The following POLA1 variants were observed in gnomAD, a reference collection of about 807,000 sequenced individuals.
The protein encoded by POLA1 is DNA polymerase alpha catalytic subunit.
A neutral mutation model predicts 124.0 loss-of-function variants in POLA1; 15 were observed. The observed-to-expected ratio is 0.12, with a 90% CI of 0.08 to 0.19. POLA1 has a LOEUF of 0.19. POLA1 is among the 10% of genes least tolerant of loss of function. POLA1 has a pLI of 1.00. For missense variants in POLA1, 886 were observed against 1,103.4 expected, an observed-to-expected ratio of 0.80 and a Z score of 2.79; for synonymous variants, 408 against 389.4, an observed-to-expected ratio of 1.05 and a Z score of -0.56.
Position 24,699,469 on chromosome X carries a change from GA to G in POLA1, c.96del (p.Lys32AsnfsTer10), listed in dbSNP as rs146733808. 1.7e-6 allele frequency: 2 copies of G among 1,181,259 alleles called. No homozygotes were observed. The highest frequency in any genetic ancestry group is 1.9e-5 in the South Asian group (1 of 51,912). ...GSFVSSRARR[E>X]KKSKKGRQEA... ...TTTTGTATCTTCTCGAGCCCGGCGA[GA>G]AAAAAAATCAAAGAAGGGGCGCCAA... On this transcript the variant is annotated frameshift_variant, in exon 2 of 37. Coordinates refer to ENST00000379068, the MANE Select transcript of POLA1 (RefSeq NM_001330360.2). LOFTEE classifies it high-confidence loss of function.
intron 10 of POLA1, among the ~76,000 whole-genome samples, chrX:24,722,908 G>A (rs1013173022): frequency 6.2e-5 from 7 of 112,083 alleles, no homozygotes; most frequent in Non-Finnish European, 1.1e-4. Flanking sequence ...GTTTATGCAA[G>A]TTAGAGAATC....
chrX:24,781,523 C>A (rs1482882434), intron 26 of POLA1, among the ~76,000 whole-genome samples: 3 of 111,711 alleles, frequency 2.7e-5, no homozygotes, highest in African/African-American at 3.3e-5. Context: ...TATGGAATAA[C>A]CCCACTGGAT....
chrX:24,882,684 GGTGTGTGTGTGTGTGTGTGTGTGTGTGT>G (rs57530564), intron 34 of POLA1, among the ~76,000 whole-genome samples: 3 of 87,613 alleles, frequency 3.4e-5, no homozygotes, highest in Non-Finnish European at 6.7e-5. Context: ...TATATTCCAT[GGTGTGTGTGTGTGTGTGTGTGTGTGTGT>G]GTGTGTGTGT....
intron 34 of POLA1, among the ~76,000 whole-genome samples, chrX:24,881,679 G>A (rs1333577258): frequency 1.8e-5 from 2 of 111,838 alleles, no homozygotes; most frequent in Admixed American, 1.9e-4. Flanking sequence ...GGTAAAATAA[G>A]ATGGTTAAGA....
At chrX:24,886,025 C>T (rs189191235) in intron 34 of POLA1, among the ~76,000 whole-genome samples, 332 of 112,210 alleles carry the variant, frequency 3.0e-3, no homozygotes, top group African/African-American at 0.01. Flanking sequence ...AATTAAACAG[C>T]TGCCTGTGAC....
chrX:24,908,808 A>C (rs1248873535), intron 35 of POLA1, among the ~76,000 whole-genome samples: 1 of 111,824 alleles, frequency 8.9e-6, no homozygotes, highest in South Asian at 3.8e-4. Flanking sequence ...AGGAATCGCC[A>C]CACTGACTTC....
intron 35 of POLA1, among the ~76,000 whole-genome samples, chrX:24,902,769 C>T (rs2047299487): frequency 9.0e-6 from 1 of 111,576 alleles, no homozygotes; most frequent in South Asian, 3.8e-4. Flanking sequence ...TATGGAAAAA[C>T]AGAAAGGTTA....
intron 36 of POLA1, among the ~76,000 whole-genome samples, chrX:24,984,519 G>GT (rs934039402): frequency 1.8e-5 from 2 of 110,615 alleles, no homozygotes; most frequent in Non-Finnish European, 3.8e-5. Context: ...TACCATCAAC[G>GT]TTTTACACCG....
At chrX:24,833,535 C>T (rs1383919102) in intron 32 of POLA1, among the ~76,000 whole-genome samples, 1 of 111,330 alleles carries the variant, frequency 9.0e-6, no homozygotes, top group Non-Finnish European at 1.9e-5. Flanking sequence ...AAAGTGTTCC[C>T]TTTTTACCAC....
At chrX:24,714,843 G>A (rs1929717770) in intron 5 of POLA1, among the ~76,000 whole-genome samples, 174 bp downstream of exon 5, 1 of 112,705 alleles carries the variant, frequency 8.9e-6, no homozygotes, top group Non-Finnish European at 1.9e-5. Flanking sequence ...GTTGGAACTT[G>A]CGAAATGGAA....
intron 3 of POLA1, 73 bp downstream of exon 3, chrX:24,703,420 A>C: frequency 2.8e-6 from 2 of 718,984 alleles, no homozygotes; most frequent in Non-Finnish European, 4.3e-6. Flanking sequence ...GTAGATTCTC[A>C]CTCATGTGGT....
chrX:24,939,027 C>T (rs1440318236), intron 36 of POLA1, among the ~76,000 whole-genome samples: 5 of 112,233 alleles, frequency 4.5e-5, no homozygotes, highest in Non-Finnish European at 9.4e-5. Context: ...CTTTTATGTA[C>T]AAAGAGACTT....
intron 34 of POLA1, among the ~76,000 whole-genome samples, chrX:24,860,591 G>A (rs1297824551): frequency 8.9e-6 from 1 of 112,541 alleles, no homozygotes; most frequent in East Asian, 2.8e-4. Flanking sequence ...TCAGATAATA[G>A]TAATGCAGTA....
In POLA1 at chrX:24,741,875, A is replaced by T. The variant is rs71541520; in HGVS notation, c.2347-127A>T. 1.0e-3 allele frequency: 496 copies of T among 485,259 alleles called. 4 individuals are homozygous for T. In the African/African-American group the frequency reaches 0.011, roughly 11 times the overall value. The allele number at this position is 485,259 out of a possible 1,213,427, so 40.0% of individuals were successfully genotyped here. On this transcript the variant is annotated intron_variant, in intron 21 of 36. Coordinates refer to ENST00000379068, the MANE Select transcript of POLA1 (RefSeq NM_001330360.2). ...TAATTTAGTACCTTTTTTTTTTTTA[A>T]AAAAAAAGCAGACCGTTATTAGGAA...
intron 20 of POLA1, among the ~76,000 whole-genome samples, chrX:24,741,115 TTGTGTGTGTGTGTGTGTGTGTGTG>T (rs751996539): frequency 1.1e-5 from 1 of 89,559 alleles, no homozygotes; most frequent in Non-Finnish European, 2.2e-5. Context: ...TTATGGGATT[TTGTGTGTGTGTGTGTGTGTGTGTG>T]TGTGTGTGCG....
intron 26 of POLA1, among the ~76,000 whole-genome samples, chrX:24,806,665 T>A (rs2045806684): frequency 9.0e-6 from 1 of 111,677 alleles, no homozygotes; most frequent in Non-Finnish European, 1.9e-5. Flanking sequence ...TATAGAGAGC[T>A]ATTGGGTTAT....
intron 36 of POLA1, among the ~76,000 whole-genome samples, chrX:24,953,856 G>A (rs2048074846): frequency 8.9e-6 from 1 of 112,020 alleles, no homozygotes; most frequent in Admixed American, 9.5e-5. Flanking sequence ...GGGAGATTCT[G>A]AAGAGCATCA....
At chrX:24,723,459 AAGT>A (rs1419480251) in intron 11 of POLA1, among the ~76,000 whole-genome samples, 192 bp downstream of exon 11, 1 of 112,026 alleles carries the variant, frequency 8.9e-6, no homozygotes, top group African/African-American at 3.2e-5. Flanking sequence ...AGAAAAAATA[AAGT>A]AGAACTCAGT....
At position 24,907,169 on chromosome X, in the gene POLA1, C is replaced by T. The variant is rs140482508; in HGVS notation, c.4164+19047C>T. On this transcript the variant is annotated intron_variant, in intron 35 of 36. Transcript: ENST00000379068. Reference sequence around the variant, plus strand: ...TCATGCCATTGCATTCCAGCCTGCGCGACAGAGCAAGACTCTGTCTTAAAG... The same window carrying T: ...TCATGCCATTGCATTCCAGCCTGCGTGACAGAGCAAGACTCTGTCTTAAAG... 7.7e-3 allele frequency among the ~76,000 whole-genome samples: 856 copies of T among 110,700 alleles called. 11 individuals carry two copies. The highest frequency in any genetic ancestry group is 0.027 in the African/African-American group (808 of 30,396).
Sources: gnomAD v4.1 joint callset for allele counts (sites outside exome capture counted in the v4.1 genomes callset) on GRCh38, gnomAD v4.1.1 for gene constraint, MANE v1.5 for transcripts, NCBI Gene and HGNC (gene_info 2026-07-23, HGNC 2026-07-21) for gene names.